Variants in TRAPPC12 observed in about 807,000 individuals in gnomAD.
TRAPPC12 encodes the protein TPR repeat protein 15.
Under a neutral mutation model 69.2 loss-of-function variants are expected in TRAPPC12, and 61 were observed. That is an observed-to-expected ratio of 0.88 (90% CI 0.72 to 1.09). The LOEUF (loss-of-function observed/expected upper bound fraction) is 1.09, where lower values mean the gene tolerates loss of function less well. TRAPPC12 is among the 50% of genes least tolerant of loss of function. The pLI is 0.00. For synonymous variants in TRAPPC12, 469 were observed against 438.9 expected (o/e 1.07, Z -0.86); for missense variants, 1,101 against 1,016.4 (o/e 1.08, Z -1.13).
rs980143210 is a variant in TRAPPC12, at chr2:3,444,254, A to G, written c.1530+363A>G. Among the ~76,000 whole-genome samples, 20 of 152,250 alleles carry G rather than the reference A, an allele frequency of 1.3e-4. 1 individual carries two copies. Among genetic ancestry groups the G allele is most frequent in the Non-Finnish European group, 2.4e-4 (16 of 68,048 alleles). Reference sequence around the variant, plus strand: ...GCCCACACGCACCTGCCACGTGCAGACAGAGGTACCGGAGCAGTACTGAAA... The same window carrying G: ...GCCCACACGCACCTGCCACGTGCAGGCAGAGGTACCGGAGCAGTACTGAAA... On this transcript the variant is annotated intron_variant, in intron 6 of 11. Transcript: ENST00000324266.
chr2:3,467,913 G>A (rs1002339731), intron 9 of TRAPPC12: 21 of 152,238 alleles, frequency 1.4e-4, no homozygotes, highest in African/African-American at 4.1e-4. Flanking sequence ...ATCTCAGCAC[G>A]TCCCTCGTCC....
Position 3,402,695 on chromosome 2 carries a change from C to T in TRAPPC12, c.1164+802C>T, listed in dbSNP as rs544550796. On this transcript the variant is annotated intron_variant, in intron 3 of 11. Transcript: ENST00000324266. ...ATAATCTTAAAGACAGCTGTAATTGCGTTGGGTAGCTTTTCTAGATTAAGG... is the reference window on the plus strand; with the variant it reads ...ATAATCTTAAAGACAGCTGTAATTGTGTTGGGTAGCTTTTCTAGATTAAGG... Among the ~76,000 whole-genome samples, 5 of 152,316 alleles carry T rather than the reference C, an allele frequency of 3.3e-5. No individual in the cohort carries two copies. In the South Asian group the frequency reaches 6.2e-4, roughly 19 times the overall value.
chr2:3,387,253 A>T (rs1019755825), intron 1 of TRAPPC12, among the ~76,000 whole-genome samples: 1 of 152,246 alleles, frequency 6.6e-6, no homozygotes, highest in African/African-American at 2.4e-5. Flanking sequence ...TGAGGACTTT[A>T]TACTGAGTAA....
intron 7 of TRAPPC12, among the ~76,000 whole-genome samples, chr2:3,459,648 A>G (rs1382245587): frequency 6.6e-6 from 1 of 152,220 alleles, no homozygotes; most frequent in Non-Finnish European, 1.5e-5. Flanking sequence ...GCGGTCAGCC[A>G]CCGTGTGGCA....
chr2:3,465,944 A>G, intron 9 of TRAPPC12: 1 of 550,046 alleles, frequency 1.8e-6, no homozygotes, highest in Non-Finnish European at 3.3e-6. Flanking sequence ...GCCACACTGA[A>G]ATGAGTTACT....
chr2:3,388,856 C>T, intron 2 of TRAPPC12, 186 bp downstream of exon 2: 1 of 576,114 alleles, frequency 1.7e-6, no homozygotes, highest in Admixed American at 3.5e-5. Flanking sequence ...CCCAACAGAA[C>T]ATATTTAATG....
chr2:3,451,105 TTA>T (rs1333240803), intron 6 of TRAPPC12, among the ~76,000 whole-genome samples: 1 of 152,196 alleles, frequency 6.6e-6, no homozygotes, highest in East Asian at 1.9e-4. Flanking sequence ...GTGGTAGTGG[TTA>T]TATATGGAGT....
At chr2:3,435,073 T>C (rs1663677589) in intron 5 of TRAPPC12, among the ~76,000 whole-genome samples, 1 of 152,178 alleles carries the variant, frequency 6.6e-6, no homozygotes, top group African/African-American at 2.4e-5. Context: ...AGTGCAGTGG[T>C]GCGATCTCGG....
rs75928618 is a variant in TRAPPC12, at chr2:3,396,340, C to T, written c.1048-5437C>T. The stretch of plus-strand genomic sequence containing the variant: ...GTCTGTAGTAATTCTTATCCTCGCT[C>T]CTCTGTACCTAATTGTATATTTTTC... On this transcript the variant is annotated intron_variant, in intron 2 of 11. Transcript: ENST00000324266. Among the ~76,000 whole-genome samples the T allele has an allele frequency of 0.017, 2,597 of 151,910 alleles. 106 individuals carry two copies. The East Asian group carries it at 0.17, about 10-fold the overall frequency.
At chr2:3,409,741 C>CTTTTTTTTTT (rs1558358525) in intron 3 of TRAPPC12, among the ~76,000 whole-genome samples, 1 of 51,752 alleles carries the variant, frequency 1.9e-5, no homozygotes, top group Non-Finnish European at 3.7e-5. Context: ...CAAAGCAAGA[C>CTTTTTTTTTT]TTTGTCTTTA....
At chr2:3,477,647 CTT>C (rs1165049030) in intron 9 of TRAPPC12, 46 bp from the exon 10 acceptor site, 1 of 1,175,272 alleles carries the variant, frequency 8.5e-7, no homozygotes, top group African/African-American at 1.5e-5. Flanking sequence ...TGAGTATAGA[CTT>C]AATATTTCTT....
chr2:3,465,769 T>G (rs1337784477), intron 9 of TRAPPC12, 74 bp downstream of exon 9: 2 of 943,942 alleles, frequency 2.1e-6, no homozygotes, highest in Non-Finnish European at 3.5e-6. Context: ...GACTGTTTGC[T>G]TTTAATCATT....
chr2:3,429,473 A>T (rs985909124), intron 5 of TRAPPC12, among the ~76,000 whole-genome samples: 1 of 152,240 alleles, frequency 6.6e-6, no homozygotes, highest in Non-Finnish European at 1.5e-5. Flanking sequence ...AGAAAAAAAG[A>T]TAAGTATATC....
intron 8 of TRAPPC12, chr2:3,462,956 G>T (rs1414306050): frequency 2.1e-6 from 1 of 471,122 alleles, no homozygotes; most frequent in African/African-American, 2.0e-5. Context: ...AAATTAGACT[G>T]CAGAAGTCCT....
At chr2:3,401,661 T>C in intron 2 of TRAPPC12, 116 bp from the exon 3 acceptor site, 3 of 573,280 alleles carry the variant, frequency 5.2e-6, no homozygotes, top group Non-Finnish European at 8.9e-6. Flanking sequence ...TAACCGTTAC[T>C]TTTACCTCCA....
intron 9 of TRAPPC12, among the ~76,000 whole-genome samples, chr2:3,468,201 T>G (rs1665908133): frequency 6.6e-6 from 1 of 152,024 alleles, no homozygotes; most frequent in Admixed American, 6.6e-5. Flanking sequence ...CTCTTTCTGC[T>G]TGTGCAAACC....
intron 9 of TRAPPC12, among the ~76,000 whole-genome samples, chr2:3,469,304 G>A (rs1207595599): frequency 6.6e-6 from 1 of 152,206 alleles, no homozygotes; most frequent in African/African-American, 2.4e-5. Flanking sequence ...AGTATCACAT[G>A]CACTGTCAGC....
intron 2 of TRAPPC12, among the ~76,000 whole-genome samples, chr2:3,399,825 C>T (rs1450090254): frequency 7.0e-6 from 1 of 142,252 alleles, no homozygotes; most frequent in Non-Finnish European, 1.5e-5. Flanking sequence ...GCCACCGCCC[C>T]GCCGCCAAAA....
At chr2:3,427,736 A>G (rs941239675) in intron 5 of TRAPPC12, among the ~76,000 whole-genome samples, 4 of 152,184 alleles carry the variant, frequency 2.6e-5, no homozygotes, top group Non-Finnish European at 4.4e-5. Context: ...TACTAAAAAT[A>G]CAAAAAATTA....
Sources: allele counts gnomAD v4.1 joint callset (sites outside exome capture counted in the v4.1 genomes callset), GRCh38; gene constraint gnomAD v4.1.1; transcripts MANE v1.5; gene names NCBI Gene and HGNC (gene_info 2026-07-23, HGNC 2026-07-21).